The following RICTOR variants were observed in gnomAD, a reference collection of about 807,000 sequenced individuals.
RICTOR encodes RPTOR independent companion of MTOR complex 2, also known as rapamycin-insensitive companion of mTOR.
A neutral mutation model predicts 214.9 loss-of-function variants in RICTOR; 49 were observed. The ratio of observed to expected loss-of-function variants is 0.23; its 90% CI spans 0.18 to 0.29. The LOEUF (loss-of-function observed/expected upper bound fraction) is 0.29, where lower values mean the gene tolerates loss of function less well. Among genes scored for constraint, RICTOR ranks in the 10% least tolerant of loss-of-function variants. The probability of loss-of-function intolerance (pLI) is 1.00; values close to 1 mark genes in which losing one functional copy is unlikely to be tolerated. For synonymous variants in RICTOR, 717 were observed against 711.3 expected (o/e 1.01, Z -0.13); for missense variants, 1,625 against 2,047.0 (o/e 0.79, Z 3.98).
Position 38,964,869 on chromosome 5 carries a change from T to G in RICTOR, c.1323A>C (p.Ser441=). 6.2e-7 allele frequency: 1 copy of G among 1,606,404 alleles called. No individual in the cohort carries two copies. The highest frequency in any genetic ancestry group is 1.1e-5 in the South Asian group (1 of 90,440). ...GCAAGCAGTGTAAATGATGGCTATG[T>G]GAATGAGGAAGAATTGTGTTTGCCT... is the stretch of plus-strand genomic sequence containing the variant. ...LHMANTILPH[S]HSHHLHCLPT... is the part of the protein sequence containing the mutation. Residue 441 remains serine (S), a synonymous_variant, in exon 16 of 38, where the codon TCA becomes TCC. Transcript: ENST00000357387.
intron 19 of RICTOR, 28 bp downstream of exon 19, chr5:38,962,287 A>T: frequency 8.5e-7 from 1 of 1,175,374 alleles, no homozygotes; most frequent in Non-Finnish European, 1.2e-6. Context: ...AGTTCTTTAA[A>T]TTTAAATGCA....
At chr5:39,056,569 C>T (rs574804326) in intron 2 of RICTOR, among the ~76,000 whole-genome samples, 6 of 151,674 alleles carry the variant, frequency 4.0e-5, no homozygotes, top group East Asian at 3.9e-4. Context: ...TCCAGGAGGT[C>T]GAGGCTGCAG....
intron 3 of RICTOR, among the ~76,000 whole-genome samples, chr5:39,014,910 TAAC>T (rs1754827761): frequency 1.3e-5 from 2 of 152,174 alleles, no homozygotes; most frequent in East Asian, 1.9e-4. Flanking sequence ...GGCTTATACT[TAAC>T]AACAAAACAA....
chr5:39,056,054 T>C (rs903155930), intron 2 of RICTOR, among the ~76,000 whole-genome samples: 1 of 152,192 alleles, frequency 6.6e-6, no homozygotes, highest in African/African-American at 2.4e-5. Context: ...AATAATGAGA[T>C]AATTAGCCAG....
At chr5:39,041,717 A>G (rs1757182776) in intron 2 of RICTOR, among the ~76,000 whole-genome samples, 3 of 152,178 alleles carry the variant, frequency 2.0e-5, no homozygotes, top group Admixed American at 1.3e-4. Flanking sequence ...ATTTTCTACC[A>G]GCTGTAGTAA....
Position 38,947,410 on chromosome 5 carries a change from C to G in RICTOR, c.4168G>C (p.Asp1390His), listed in dbSNP as rs1442618897. ...ATAGGACTCAATAAATCTTCTTTAT[C>G]TAATGATGCATAACTTAAGGCTTTC... The part of the protein sequence containing the change: ...FMKALSYASL[D>H]KEDLLSPINQ... The change falls in exon 32 of 38, where the codon GAT (aspartate) becomes CAT (histidine). Residue 1390 changes from aspartate (D) to histidine (H), a missense_variant. Transcript: ENST00000357387. 4 of 1,611,380 alleles carry G rather than the reference C, an allele frequency of 2.5e-6. No individual in the cohort carries two copies. The highest frequency in any genetic ancestry group is 3.4e-6 in the Non-Finnish European group (4 of 1,177,858).
At chr5:39,065,994 C>T (rs555423713) in intron 2 of RICTOR, among the ~76,000 whole-genome samples, 37 of 152,366 alleles carry the variant, frequency 2.4e-4, no homozygotes, top group African/African-American at 7.9e-4. Context: ...CTTCTCACAG[C>T]TCCACTAGGC....
chr5:38,944,872 A>C, intron 35 of RICTOR, 41 bp downstream of exon 35: 1 of 1,572,472 alleles, frequency 6.4e-7, no homozygotes, highest in Non-Finnish European at 8.7e-7. Context: ...TAATCAGAAC[A>C]GTTTTACTAA....
chr5:38,988,683 A>G (rs554318817), intron 7 of RICTOR, among the ~76,000 whole-genome samples: 1 of 152,208 alleles, frequency 6.6e-6, no homozygotes, highest in Non-Finnish European at 1.5e-5. Context: ...AGGATACAAA[A>G]TCAATGTGCA....
rs778512488 is a variant in RICTOR at position 38,949,808 on chromosome 5, T to C, written c.4040A>G (p.His1347Arg). 2.5e-6 allele frequency: 4 copies of C among 1,607,638 alleles called. No homozygotes were observed. The East Asian group carries it at 8.9e-5, about 36-fold the overall frequency. The change falls in exon 31 of 38, where the codon CAC becomes CGC. Residue 1347 changes from histidine to arginine, a missense_variant. Physicochemically the swap from His to Arg is conservative, Grantham distance 29. Coordinates refer to ENST00000357387, the MANE Select transcript of RICTOR (RefSeq NM_152756.5). Reference protein sequence around the residue: ...QQQRMHPSLSHSEALASPAKD... With the variant: ...QQQRMHPSLSRSEALASPAKD... The stretch of plus-strand genomic sequence containing the variant: ...TGCTGGAGATGCCAAAGCTTCAGAG[T>C]GAGATAAGGATGGATGCATTCTTTG...
chr5:38,992,432 C>A (rs1752856706), intron 6 of RICTOR, among the ~76,000 whole-genome samples: 1 of 152,000 alleles, frequency 6.6e-6, no homozygotes, highest in Non-Finnish European at 1.5e-5. Flanking sequence ...GTAATATATT[C>A]TGTAAAGAGC....
Position 38,938,980 on chromosome 5 carries a change from A to G in RICTOR, c.*3324T>C, listed in dbSNP as rs569778162. 4.3e-6 allele frequency: 1 copy of G among 233,152 alleles called. No individual in the cohort carries two copies. The highest frequency in any genetic ancestry group is 1.8e-4 in the South Asian group (1 of 5,526). 14.4% of individuals were successfully genotyped at this position (233,152 alleles called of 1,614,324 possible). On this transcript the variant is annotated 3_prime_UTR_variant, in exon 38 of 38. Coordinates refer to ENST00000357387, the MANE Select transcript of RICTOR (RefSeq NM_152756.5). ...GACAAAAGTGGAAGCATAAGACTAA[A>G]GGAGAAAAAACCTTACTTCCAAAGA... is the stretch of plus-strand genomic sequence containing the variant.
rs1427226570 is a variant in RICTOR at position 38,938,298 on chromosome 5, T to C, written c.*4006A>G. 1.8e-5 allele frequency: 4 copies of C among 226,856 alleles called. No homozygotes were observed. In the East Asian group the frequency reaches 2.6e-4, roughly 15 times the overall value. 14.1% of individuals were successfully genotyped at this position (226,856 alleles called of 1,614,324 possible). A position where few individuals can be genotyped will look rare whatever the true frequency, so the allele number is the denominator to read the frequency against. On this transcript the variant is annotated 3_prime_UTR_variant, in exon 38 of 38. Transcript: ENST00000357387. ...ATTAAGTCTGAGATTTTTTTCACAA[T>C]TCCTTACCACTTTTCAAAACTAGTT...
At chr5:39,016,485 A>G (rs1402819860) in intron 3 of RICTOR, among the ~76,000 whole-genome samples, 1 of 152,090 alleles carries the variant, frequency 6.6e-6, no homozygotes, top group African/African-American at 2.4e-5. Context: ...CAAATCAAGA[A>G]AGAGAGAGGA....
Position 39,010,208 on chromosome 5 carries a change from C to T in RICTOR, c.196-6586G>A, listed in dbSNP as rs368169940. Among the ~76,000 whole-genome samples the T allele has an allele frequency of 2.6e-5, 4 of 152,298 alleles. No homozygotes were observed. The South Asian group carries it at 8.3e-4, about 32-fold the overall frequency. On this transcript the variant is annotated intron_variant, in intron 3 of 37. Coordinates refer to ENST00000357387, the MANE Select transcript of RICTOR (RefSeq NM_152756.5). ...CGAGATCTGATGGTTTTATGAGAGG[C>T]TTCCCCCTTTTCTAGGCACTCATTT...
intron 5 of RICTOR, among the ~76,000 whole-genome samples, chr5:38,999,038 A>C (rs994097876): frequency 7.4e-5 from 11 of 148,202 alleles, no homozygotes; most frequent in African/African-American, 1.3e-4. Flanking sequence ...AAAAAAAAAA[A>C]AAAAAAAAAA....
intron 25 of RICTOR, 71 bp from the exon 26 acceptor site, chr5:38,955,775 C>G (rs557802499): frequency 8.3e-6 from 7 of 844,364 alleles, no homozygotes; most frequent in East Asian, 4.9e-5. Context: ...ATGTCAGATA[C>G]TTAGCAAAGG....
intron 30 of RICTOR, 55 bp from the exon 31 acceptor site, chr5:38,950,775 A>G: frequency 6.9e-7 from 1 of 1,447,484 alleles, no homozygotes; most frequent in South Asian, 1.4e-5. Flanking sequence ...AATTCATGAT[A>G]ACTATTAGTG....
intron 2 of RICTOR, among the ~76,000 whole-genome samples, chr5:39,026,385 T>C (rs1755824490): frequency 6.6e-6 from 1 of 151,814 alleles, no homozygotes; most frequent in African/African-American, 2.4e-5. Flanking sequence ...AAAAAATAAA[T>C]GTGGGTAGCC....
Sources: gnomAD v4.1 joint callset for allele counts (sites outside exome capture counted in the v4.1 genomes callset) on GRCh38, gnomAD v4.1.1 for gene constraint, MANE v1.5 for transcripts, NCBI Gene and HGNC (gene_info 2026-07-23, HGNC 2026-07-21) for gene names.